Variants in KIAA1549 observed in about 807,000 individuals in gnomAD.
The protein encoded by KIAA1549 is KIAA1549.
In KIAA1549, 70 loss-of-function variants were observed where a neutral mutation model predicts 156.4. That is an observed-to-expected ratio of 0.45 (90% CI 0.37 to 0.55). The LOEUF (loss-of-function observed/expected upper bound fraction) is 0.55, where lower values mean the gene tolerates loss of function less well. KIAA1549 is among the 20% of genes least tolerant of loss of function. KIAA1549 has a pLI of 0.00. For missense variants in KIAA1549, 2,428 were observed against 2,540.9 expected (o/e 0.96, Z 0.96); for synonymous variants, 1,103 against 1,066.4 (o/e 1.03, Z -0.67).
chr7:138,871,072 C>T, intron 13 of KIAA1549, 85 bp downstream of exon 13: 3 of 1,250,994 alleles, frequency 2.4e-6, no homozygotes, highest in South Asian at 1.3e-5. Flanking sequence ...CTGCCTTGGC[C>T]CCCCCAAGTG....
chr7:138,837,664 GC>G lies in KIAA1549; in HGVS notation c.*241del, dbSNP rs1414523530. On this transcript the variant is annotated 3_prime_UTR_variant, in exon 20 of 20. Coordinates refer to ENST00000422774, the MANE Select transcript of KIAA1549 (RefSeq NM_001164665.2). ...GTTTTGTTTTTGTGAAGTGCTGCTG[GC>G]TTTTGGCCAAAATACATATATTTCA... 2 of 558,404 alleles carry G rather than the reference GC, an allele frequency of 3.6e-6. No homozygotes were observed. The highest frequency in any genetic ancestry group is 3.8e-5 in the African/African-American group (2 of 53,298). The allele number at this position is 558,404 out of a possible 1,614,324, so 34.6% of individuals were successfully genotyped here.
At position 138,917,771 on chromosome 7, in the gene KIAA1549, C is replaced by T. The variant is rs1391910709; in HGVS notation, c.1855G>A (p.Ala619Thr). The change falls in exon 2 of 20, where the codon GCT becomes ACT. Residue 619 changes from alanine to threonine, a missense_variant. Coordinates refer to ENST00000422774, the MANE Select transcript of KIAA1549 (RefSeq NM_001164665.2). The part of the protein sequence containing the change: ...SSFSEHKPRG[A>T]LDFASSFFST... ...AAAAAGCTGGATGCAAAATCCAAAG[C>T]ACCTCTGGGTTTATGCTCAGAAAAA... The T allele has an allele frequency of 9.5e-6, 15 of 1,579,960 alleles. No individual in the cohort carries two copies. The Admixed American group carries it at 2.8e-4, about 29-fold the overall frequency.
At chr7:138,910,460 C>T (rs576098085) in intron 4 of KIAA1549, among the ~76,000 whole-genome samples, 52 of 149,510 alleles carry the variant, frequency 3.5e-4, no homozygotes, top group African/African-American at 1.2e-3. Flanking sequence ...TGCAGTGGCA[C>T]GATCTCGTCT....
At chr7:138,961,662 T>A (rs543031265) in intron 1 of KIAA1549, among the ~76,000 whole-genome samples, 16 of 152,124 alleles carry the variant, frequency 1.1e-4, no homozygotes, top group African/African-American at 3.9e-4. Context: ...CTCACTTAAG[T>A]GATGATGATG....
At chr7:138,912,586 AAGGCC>A in intron 2 of KIAA1549, 126 bp from the exon 3 acceptor site, 1 of 735,358 alleles carries the variant, frequency 1.4e-6, no homozygotes, top group South Asian at 1.6e-5. Context: ...TTGTAAAATA[AAGGCC>A]AGACCAAGAC....
Position 138,837,953 on chromosome 7 carries a change from G to A in KIAA1549, c.5806C>T (p.Leu1936Phe). 6.2e-7 allele frequency: 1 copy of A among 1,613,906 alleles called. No homozygotes were observed. Among genetic ancestry groups the A allele is most frequent in the Non-Finnish European group, 8.5e-7 (1 of 1,179,886 alleles). The stretch of plus-strand genomic sequence containing the variant: ...GTGCTCTGTTTCTGGGAGAGCCGGA[G>A]GAGCTCCTCGCGGATTGCTTTGATG... ...SLIKAIREEL[L>F]RLSQKQSTVQ... The change falls in exon 20 of 20, where the codon CTC (leucine) becomes TTC (phenylalanine). Residue 1936 changes from leucine to phenylalanine, a missense_variant. Transcript: ENST00000422774.
chr7:138,890,691 G>A (rs1811521635), intron 10 of KIAA1549, among the ~76,000 whole-genome samples: 1 of 152,170 alleles, frequency 6.6e-6, no homozygotes, highest in Non-Finnish European at 1.5e-5. Context: ...CAACCATAGG[G>A]AATGAGCTGA....
intron 1 of KIAA1549, among the ~76,000 whole-genome samples, chr7:138,949,575 T>A (rs566820364): frequency 3.9e-5 from 6 of 152,298 alleles, no homozygotes; most frequent in African/African-American, 1.2e-4. Context: ...AATGCCAGCC[T>A]GTAGGACTCC....
intron 1 of KIAA1549, among the ~76,000 whole-genome samples, chr7:138,963,245 C>T (rs1813908053): frequency 6.6e-6 from 1 of 152,238 alleles, no homozygotes; most frequent in Non-Finnish European, 1.5e-5. Context: ...CCCAGGCAAG[C>T]ACACTTCCCA....
chr7:138,937,776 G>C (rs187941773), intron 1 of KIAA1549, among the ~76,000 whole-genome samples: 1 of 152,230 alleles, frequency 6.6e-6, no homozygotes, highest in Non-Finnish European at 1.5e-5. Flanking sequence ...GAGCCAACTC[G>C]GGGTGGATGG....
intron 5 of KIAA1549, among the ~76,000 whole-genome samples, chr7:138,908,561 G>C (rs547119629): frequency 6.6e-6 from 1 of 152,284 alleles, no homozygotes; most frequent in South Asian, 2.1e-4. Flanking sequence ...ATTTTGGAAA[G>C]AGAGAGGAAA....
Position 138,852,240 on chromosome 7 carries a change from C to T in KIAA1549, c.5277G>A (p.Pro1759=), listed in dbSNP as rs750499494. ...AACCTTACCTTGGCAATGGACCCGT[C>T]GGGGGAGTCATTCCATAGTCTTCGT... ...SRYEDYGMTP[P]TGPLPRPGFG... is the part of the protein sequence containing the mutation. The change falls in exon 17 of 20, where the codon CCG becomes CCA. Residue 1759 remains proline (P), a synonymous_variant. Coordinates refer to ENST00000422774, the MANE Select transcript of KIAA1549 (RefSeq NM_001164665.2). The T allele has an allele frequency of 3.7e-6, 6 of 1,610,202 alleles. No homozygotes were observed. The African/African-American group carries it at 4.0e-5, about 11-fold the overall frequency.
chr7:138,838,277 C>T (rs1291228613), intron 19 of KIAA1549, 117 bp from the exon 20 acceptor site: 9 of 1,077,892 alleles, frequency 8.3e-6, no homozygotes, highest in Non-Finnish European at 1.2e-5. Flanking sequence ...CAACTCAGCC[C>T]TCTAACAGGG....
intron 1 of KIAA1549, among the ~76,000 whole-genome samples, chr7:138,932,524 C>T (rs571127902): frequency 1.2e-4 from 18 of 152,338 alleles, no homozygotes; most frequent in Admixed American, 9.2e-4. Context: ...ACTGAAGAAG[C>T]TATTTAAAAG....
At chr7:138,956,551 T>G (rs1304546341) in intron 1 of KIAA1549, among the ~76,000 whole-genome samples, 3 of 152,248 alleles carry the variant, frequency 2.0e-5, no homozygotes, top group Middle Eastern at 3.4e-3. Context: ...TCTCACGAGA[T>G]CTGATGGTTT....
At chr7:138,884,997 A>C (rs1225290472) in intron 10 of KIAA1549, among the ~76,000 whole-genome samples, 1 of 152,230 alleles carries the variant, frequency 6.6e-6, no homozygotes, top group Non-Finnish European at 1.5e-5. Context: ...GAAGTTTGAG[A>C]CCAGCCTGAC....
chr7:138,940,130 T>C (rs1813135511), intron 1 of KIAA1549, among the ~76,000 whole-genome samples: 1 of 152,190 alleles, frequency 6.6e-6, no homozygotes, highest in Non-Finnish European at 1.5e-5. Context: ...TCGTCATTTA[T>C]ATTAGGTATA....
chr7:138,872,235 C>G (rs576513564), intron 12 of KIAA1549, among the ~76,000 whole-genome samples: 54 of 152,216 alleles, frequency 3.5e-4, no homozygotes, highest in African/African-American at 1.3e-3. Flanking sequence ...GCAGGAGCCA[C>G]CGGGCCCGGC....
At chr7:138,915,712 C>T (rs868197130) in intron 2 of KIAA1549, among the ~76,000 whole-genome samples, 4 of 152,110 alleles carry the variant, frequency 2.6e-5, no homozygotes, top group East Asian at 1.9e-4. Context: ...CCTCTTCTGC[C>T]GTTTTCGTCC....
Sources: allele counts gnomAD v4.1 joint callset (sites outside exome capture counted in the v4.1 genomes callset), GRCh38; gene constraint gnomAD v4.1.1; transcripts MANE v1.5; gene names NCBI Gene and HGNC (gene_info 2026-07-23, HGNC 2026-07-21).